RAB38: variants seen among roughly 807,000 people sequenced by gnomAD.
RAB38 encodes RAB38, member RAS oncogene family, also known as ras-related protein Rab-38.
In RAB38, 15 loss-of-function variants were observed where a neutral mutation model predicts 18.4. That is an observed-to-expected ratio of 0.82 (90% CI 0.55 to 1.26). The LOEUF is 1.26. Among genes scored for constraint, RAB38 ranks in the 50% most tolerant of loss-of-function variants. The probability of loss-of-function intolerance (pLI) is 0.00; values close to 1 mark genes in which losing one functional copy is unlikely to be tolerated. For missense variants in RAB38, 294 were observed against 267.4 expected (o/e 1.10, Z -0.69); for synonymous variants, 101 against 104.4 (o/e 0.97, Z 0.20).
chr11:88,146,557 T>G (rs1942989044), intron 2 of RAB38, among the ~76,000 whole-genome samples: 1 of 152,238 alleles, frequency 6.6e-6, no homozygotes, highest in African/African-American at 2.4e-5. Context: ...GCAGACAGTT[T>G]AATCTAGGCC....
chr11:87,946,326 G>A, the RAB38 span, among the ~76,000 whole-genome samples: 1 of 152,060 alleles, frequency 6.6e-6, no homozygotes, highest in African/African-American at 2.4e-5. Context: ...CTTGATGTAT[G>A]AGAACATTTG....
chr11:88,056,263 A>G, the RAB38 span, among the ~76,000 whole-genome samples: 1 of 152,138 alleles, frequency 6.6e-6, no homozygotes, highest in African/African-American at 2.4e-5. Flanking sequence ...AGGGAGCCAC[A>G]CTGTTTGTCT....
the RAB38 span, among the ~76,000 whole-genome samples, chr11:87,927,489 C>G: frequency 6.6e-6 from 1 of 151,916 alleles, no homozygotes; most frequent in Non-Finnish European, 1.5e-5. Flanking sequence ...TGTTAAATTG[C>G]CAATCCACAT....
chr11:87,911,530 G>T, the RAB38 span, among the ~76,000 whole-genome samples: 1 of 151,860 alleles, frequency 6.6e-6, no homozygotes, highest in Non-Finnish European at 1.5e-5. Flanking sequence ...TGATGGTTCT[G>T]ATTCTTTATT....
At chr11:88,108,095 T>C in the RAB38 span, among the ~76,000 whole-genome samples, 12 of 152,206 alleles carry the variant, frequency 7.9e-5, no homozygotes, top group South Asian at 2.1e-4. Flanking sequence ...ATGTATATAC[T>C]ATTGATTTGG....
chr11:87,945,516 T>C, the RAB38 span, among the ~76,000 whole-genome samples: 92 of 152,162 alleles, frequency 6.0e-4, no homozygotes, highest in African/African-American at 2.1e-3. Context: ...TAAAAGAGAA[T>C]AGGAATGAAT....
At chr11:88,165,849 C>G (rs754788969) in intron 1 of RAB38, 10 of 151,980 alleles carry the variant, frequency 6.6e-5, no homozygotes, top group Non-Finnish European at 1.5e-4. Context: ...TAACTCACAG[C>G]AGGATTTACT....
At chr11:87,910,654 T>C in the RAB38 span, among the ~76,000 whole-genome samples, 17 of 144,636 alleles carry the variant, frequency 1.2e-4, no homozygotes, top group South Asian at 3.8e-3. Context: ...TTTTTTTTTT[T>C]TTTTTGAGAT....
At chr11:88,095,631 T>C in the RAB38 span, among the ~76,000 whole-genome samples, 1 of 151,984 alleles carries the variant, frequency 6.6e-6, no homozygotes, top group Non-Finnish European at 1.5e-5. Context: ...CTTTAAATAC[T>C]GTCTATAAGC....
chr11:87,907,425 A>C, the RAB38 span, among the ~76,000 whole-genome samples: 1 of 151,806 alleles, frequency 6.6e-6, no homozygotes. Flanking sequence ...TTAAAGTAGA[A>C]TCAAGAGATT....
the RAB38 span, among the ~76,000 whole-genome samples, chr11:87,888,778 A>T: frequency 6.6e-6 from 1 of 151,914 alleles, no homozygotes; most frequent in Non-Finnish European, 1.5e-5. Flanking sequence ...CTTTCTTGTA[A>T]TATATTAGAG....
chr11:87,890,996 A>G, the RAB38 span, among the ~76,000 whole-genome samples: 2 of 151,858 alleles, frequency 1.3e-5, no homozygotes, highest in African/African-American at 2.4e-5. Context: ...GGCCATGTGT[A>G]CCTGCATAGG....
At chr11:87,892,927 TTGTC>T in the RAB38 span, among the ~76,000 whole-genome samples, 1 of 151,750 alleles carries the variant, frequency 6.6e-6, no homozygotes, top group Non-Finnish European at 1.5e-5. Context: ...ATTGTTGAAA[TTGTC>T]TGTTTGTGTA....
chr11:87,939,379 TACACACACACAC>T, the RAB38 span, among the ~76,000 whole-genome samples: 14 of 146,400 alleles, frequency 9.6e-5, no homozygotes, highest in African/African-American at 1.8e-4. Flanking sequence ...CACACATACA[TACACACACACAC>T]ACACACACAC....
chr11:88,003,920 A>T, the RAB38 span, among the ~76,000 whole-genome samples: 3 of 114,638 alleles, frequency 2.6e-5, no homozygotes, highest in Admixed American at 1.1e-4. Flanking sequence ...TTATATAAAG[A>T]TATAAAATAT....
the RAB38 span, among the ~76,000 whole-genome samples, chr11:87,895,176 C>T: frequency 6.6e-6 from 1 of 151,608 alleles, no homozygotes; most frequent in East Asian, 2.0e-4. Context: ...AAGAAAGCAG[C>T]TTGTCTGGCT....
chr11:87,852,955 T>C, the RAB38 span, among the ~76,000 whole-genome samples: 1 of 100,982 alleles, frequency 9.9e-6, no homozygotes, highest in Non-Finnish European at 2.0e-5. Flanking sequence ...CTATCTTGCA[T>C]ATGACTAAGC....
At chr11:87,942,966 C>G in the RAB38 span, among the ~76,000 whole-genome samples, 2 of 152,216 alleles carry the variant, frequency 1.3e-5, no homozygotes, top group Admixed American at 1.3e-4. Context: ...ATGCAGGGAA[C>G]CTGGGAACTA....
At chr11:88,090,682 C>T in the RAB38 span, among the ~76,000 whole-genome samples, 2 of 151,936 alleles carry the variant, frequency 1.3e-5, no homozygotes, top group African/African-American at 4.8e-5. Context: ...GCCCACAGTT[C>T]TCCAGAACCC....
Sources: gnomAD v4.1 joint callset for allele counts (sites outside exome capture counted in the v4.1 genomes callset) on GRCh38, gnomAD v4.1.1 for gene constraint, MANE v1.5 for transcripts, NCBI Gene and HGNC (gene_info 2026-07-23, HGNC 2026-07-21) for gene names.